Variants in TOR3A observed in about 807,000 individuals in gnomAD.
TOR3A encodes torsin-3A.
In TOR3A, 44 loss-of-function variants were observed where a neutral mutation model predicts 42.1. The ratio of observed to expected loss-of-function variants is 1.04; its 90% CI spans 0.82 to 1.34. The LOEUF (loss-of-function observed/expected upper bound fraction) is 1.34, where lower values mean the gene tolerates loss of function less well. TOR3A is among the 40% of genes most tolerant of loss of function. The pLI is 0.00. For synonymous variants in TOR3A, 227 were observed against 213.2 expected (o/e 1.06, Z -0.57); for missense variants, 521 against 507.6 (o/e 1.03, Z -0.25).
At chr1:179,090,762 AGGCTGCAGGAATGGGCTCACGT>A (rs1227312753) in intron 4 of TOR3A, among the ~76,000 whole-genome samples, 1 of 152,174 alleles carries the variant, frequency 6.6e-6, no homozygotes, top group Non-Finnish European at 1.5e-5. Context: ...CAAGTATAGA[AGGCTGCAGGAATGGGCTCACGT>A]GGCAGGACAG....
At chr1:179,089,945 G>T (rs184615481) in intron 4 of TOR3A, among the ~76,000 whole-genome samples, 3 of 152,126 alleles carry the variant, frequency 2.0e-5, no homozygotes, top group African/African-American at 7.2e-5. Flanking sequence ...CACCTGGGCC[G>T]TGATTGCCTA....
intron 3 of TOR3A, among the ~76,000 whole-genome samples, chr1:179,086,634 C>T (rs536601960): frequency 6.6e-5 from 10 of 150,398 alleles, no homozygotes; most frequent in Non-Finnish European, 8.8e-5. Flanking sequence ...CCGCTGCACT[C>T]CAGCCTGGGC....
chr1:179,095,962 A>G lies in TOR3A; in HGVS notation c.*744A>G, dbSNP rs570753631. 2 of 985,236 alleles carry G rather than the reference A, an allele frequency of 2.0e-6. No individual in the cohort carries two copies. Among genetic ancestry groups the G allele is most frequent in the Non-Finnish European group, 1.2e-6 (1 of 829,926 alleles). The allele number at this position is 985,236 out of a possible 1,614,324, so 61.0% of individuals were successfully genotyped here. ...GTCTTGACATGTTTGTTGTATGTAA[A>G]GATGATAAGATTAAAATTTTTGATT... On this transcript the variant is annotated 3_prime_UTR_variant, in exon 6 of 6. Coordinates refer to ENST00000367627, the MANE Select transcript of TOR3A (RefSeq NM_022371.4).
chr1:179,082,442 G>A (rs1360182664), intron 1 of TOR3A, 55 bp downstream of exon 1: 10 of 1,546,316 alleles, frequency 6.5e-6, no homozygotes, highest in Middle Eastern at 1.8e-4. Flanking sequence ...TGCGATCCGG[G>A]CGCGGCTGTG....
intron 2 of TOR3A, 52 bp from the exon 3 acceptor site, chr1:179,085,576 T>C: frequency 6.3e-7 from 1 of 1,592,232 alleles, no homozygotes; most frequent in Middle Eastern, 1.7e-4. Context: ...GCTGTTGTGG[T>C]GGATGGGCCT....
At chr1:179,086,449 G>C (rs1652435783) in intron 3 of TOR3A, among the ~76,000 whole-genome samples, 1 of 152,126 alleles carries the variant, frequency 6.6e-6, no homozygotes, top group Non-Finnish European at 1.5e-5. Flanking sequence ...GGTGGATCAC[G>C]AGGTCAGGAG....
rs1572576263 is a variant in TOR3A, at chr1:179,090,598, G to A, written c.818+2509G>A. Among the ~76,000 whole-genome samples the A allele has an allele frequency of 4.6e-5, 7 of 152,338 alleles. 1 individual carries two copies. In the East Asian group the frequency reaches 1.3e-3, roughly 29 times the overall value. ...TGCTGTTTGAAGTGAGTTGCCAGTGGCTTTGCTGGCTTCCTCCTGGTGGCA... is the reference window on the plus strand; with the variant it reads ...TGCTGTTTGAAGTGAGTTGCCAGTGACTTTGCTGGCTTCCTCCTGGTGGCA... On this transcript the variant is annotated intron_variant, in intron 4 of 5. Transcript: ENST00000367627.
intron 2 of TOR3A, among the ~76,000 whole-genome samples, chr1:179,083,581 C>CGGGGGGG (rs78979955): frequency 1.9e-5 from 2 of 102,642 alleles, no homozygotes; most frequent in Admixed American, 1.2e-4. Context: ...TTAGTAGAGG[C>CGGGGGGG]GGGGGGGGGG....
chr1:179,094,470 A>G (rs1652679080), intron 5 of TOR3A, among the ~76,000 whole-genome samples: 1 of 152,304 alleles, frequency 6.6e-6, no homozygotes, highest in Non-Finnish European at 1.5e-5. Context: ...CTGAAGCCTG[A>G]GACTCTGAGT....
chr1:179,087,814 A>G, intron 3 of TOR3A, 97 bp from the exon 4 acceptor site: 2 of 1,216,614 alleles, frequency 1.6e-6, no homozygotes, highest in East Asian at 2.7e-5. Flanking sequence ...ACCCAGCCCC[A>G]GGGGGTCCAT....
Position 179,095,800 on chromosome 1 carries a change from C to T in TOR3A, c.*582C>T, listed in dbSNP as rs1232029528. 19 of 986,842 alleles carry T rather than the reference C, an allele frequency of 1.9e-5. No individual in the cohort carries two copies. Among genetic ancestry groups the T allele is most frequent in the South Asian group, 9.4e-5 (2 of 21,366 alleles). 61.1% of individuals were successfully genotyped at this position (986,842 alleles called of 1,614,324 possible). Reference sequence around the variant, plus strand: ...AAAGCCAAGCTGCTTCTGTTGTGAGCGAATCAGCCAAGAGCCTGAGGCTGA... The same window carrying T: ...AAAGCCAAGCTGCTTCTGTTGTGAGTGAATCAGCCAAGAGCCTGAGGCTGA... On this transcript the variant is annotated 3_prime_UTR_variant, in exon 6 of 6. Transcript: ENST00000367627.
intron 4 of TOR3A, among the ~76,000 whole-genome samples, chr1:179,092,495 T>G (rs1239527881): frequency 6.6e-6 from 1 of 151,916 alleles, no homozygotes; most frequent in Non-Finnish European, 1.5e-5. Context: ...GAGACTGAGG[T>G]GGGAGAATCA....
At chr1:179,086,568 A>G (rs568059487) in intron 3 of TOR3A, among the ~76,000 whole-genome samples, 151 of 151,246 alleles carry the variant, frequency 1.0e-3, no homozygotes, top group South Asian at 2.1e-3. Context: ...CGGGAGGCTG[A>G]GGCCGGAGAA....
In TOR3A at chr1:179,082,239, C is replaced by A; in HGVS notation, c.111C>A (p.Gly37=). ...SRPWEGTDEP[G]SAWAWPGFQR... The stretch of plus-strand genomic sequence containing the variant: ...CGTGGGAGGGAACCGACGAGCCGGG[C>A]TCGGCCTGGGCCTGGCCGGGCTTCC... Residue 37 remains glycine, a synonymous_variant, in exon 1 of 6, where the codon GGC becomes GGA. Transcript: ENST00000367627. 6.5e-7 allele frequency: 1 copy of A among 1,527,318 alleles called. No homozygotes were observed. Among genetic ancestry groups the A allele is most frequent in the Non-Finnish European group, 8.7e-7 (1 of 1,145,272 alleles). 94.6% of individuals were successfully genotyped at this position (1,527,318 alleles called of 1,614,324 possible).
chr1:179,090,628 A>G (rs1652554830), intron 4 of TOR3A, among the ~76,000 whole-genome samples: 1 of 152,198 alleles, frequency 6.6e-6, no homozygotes, highest in East Asian at 1.9e-4. Flanking sequence ...GTGGCAGGAG[A>G]GAGGAGGTGG....
In TOR3A at chr1:179,085,673, TC is replaced by T; in HGVS notation, c.421del (p.Gln141SerfsTer5). On this transcript the variant is annotated frameshift_variant, in exon 3 of 6. Transcript: ENST00000367627. LOFTEE classifies it high-confidence loss of function. ...LNVRLHGQHLVQQLVLRTVRG... is the reference protein window; with the variant it reads ...LNVRLHGQHLXQQLVLRTVRG... ...GTGCGGCTGCATGGCCAGCATTTGG[TC>T]CAGCAGCTGGTCCTAAGAACAGTGA... The T allele has an allele frequency of 6.2e-7, 1 of 1,614,178 alleles. No homozygotes were observed. The highest frequency in any genetic ancestry group is 8.5e-7 in the Non-Finnish European group (1 of 1,180,032).
At chr1:179,085,457 C>T (rs1652404264) in intron 2 of TOR3A, 171 bp from the exon 3 acceptor site, 1 of 738,754 alleles carries the variant, frequency 1.4e-6, no homozygotes, top group Non-Finnish European at 2.3e-6. Flanking sequence ...GTCCTTGAAT[C>T]CCTTCTGCTA....
At chr1:179,086,026 C>CCACT in intron 3 of TOR3A, 133 bp downstream of exon 3, 1 of 1,015,680 alleles carries the variant, frequency 9.8e-7, no homozygotes, top group Non-Finnish European at 1.4e-6. Flanking sequence ...TGTGACAGAG[C>CCACT]CACTCCGTCC....
chr1:179,095,487 T>A lies in TOR3A; in HGVS notation c.*269T>A, dbSNP rs1333778464. The A allele has an allele frequency of 7.6e-7, 1 of 1,319,870 alleles. No homozygotes were observed. The highest frequency in any genetic ancestry group is 3.1e-5 in the East Asian group (1 of 31,890). The allele number at this position is 1,319,870 out of a possible 1,614,324, so 81.8% of individuals were successfully genotyped here. On this transcript the variant is annotated 3_prime_UTR_variant, in exon 6 of 6. Transcript: ENST00000367627. ...AGAGCCCATTCTTAAGATCACTTGG[T>A]GCCTTAAAGACACGCATTCCAAAGT... is the stretch of plus-strand genomic sequence containing the variant.
Sources: allele counts gnomAD v4.1 joint callset (sites outside exome capture counted in the v4.1 genomes callset), GRCh38; gene constraint gnomAD v4.1.1; transcripts MANE v1.5; gene names NCBI Gene and HGNC (gene_info 2026-07-23, HGNC 2026-07-21).